RNASEL: variants seen among roughly 807,000 people sequenced by gnomAD.
The protein encoded by RNASEL is 2-5A-dependent ribonuclease.
RNASEL carries 36 observed loss-of-function variants against 50.9 expected under a neutral mutation model. That is an observed-to-expected ratio of 0.71 (90% CI 0.54 to 0.93). RNASEL has a LOEUF of 0.93. Among genes scored for constraint, RNASEL ranks in the 40% least tolerant of loss-of-function variants. The pLI is 0.00. For missense variants in RNASEL, 860 were observed against 894.5 expected (o/e 0.96, Z 0.49); for synonymous variants, 335 against 335.6 (o/e 1.00, Z 0.02).
At chr1:182,584,616 C>T (rs1416310739) in intron 2 of RNASEL, among the ~76,000 whole-genome samples, 1 of 152,178 alleles carries the variant, frequency 6.6e-6, no homozygotes, top group Non-Finnish European at 1.5e-5. Context: ...ACTATTTCAT[C>T]ATTGCACTTA....
At chr1:182,584,243 T>C in intron 2 of RNASEL, 77 bp from the exon 3 acceptor site, 1 of 932,346 alleles carries the variant, frequency 1.1e-6, no homozygotes. Context: ...TATATAAATA[T>C]GTAACATGCT....
intron 6 of RNASEL, 59 bp from the exon 7 acceptor site, chr1:182,575,637 C>T: frequency 1.3e-6 from 2 of 1,593,626 alleles, no homozygotes; most frequent in Non-Finnish European, 1.7e-6. Flanking sequence ...CCCCGCTTCA[C>T]AGCATATGGC....
rs1661509033 is a variant in RNASEL at position 182,582,167 on chromosome 1, A to T, written c.1658T>A (p.Leu553His). 1 of 1,614,140 alleles carries T rather than the reference A, an allele frequency of 6.2e-7. No homozygotes were observed. Among genetic ancestry groups the T allele is most frequent in the Non-Finnish European group, 8.5e-7 (1 of 1,180,054 alleles). The change falls in exon 4 of 7, where the codon CTT (leucine) becomes CAT (histidine). Residue 553 changes from leucine to histidine, a missense_variant. By Grantham distance (99) the Leu-to-His change is moderately conservative. Coordinates refer to ENST00000367559, the MANE Select transcript of RNASEL (RefSeq NM_021133.4). ...KAQSNEEVVQ[L>H]SPDEETKDLI... Reference sequence around the variant, plus strand: ...GTCCTTAGTTTCCTCATCTGGAGAAAGTTGAACCACCTCTTCATTACTTTG... The same window carrying T: ...GTCCTTAGTTTCCTCATCTGGAGAATGTTGAACCACCTCTTCATTACTTTG...
chr1:182,575,254 G>A lies in RNASEL; in HGVS notation c.*138C>T, dbSNP rs992184243. On this transcript the variant is annotated 3_prime_UTR_variant, in exon 7 of 7. Coordinates refer to ENST00000367559, the MANE Select transcript of RNASEL (RefSeq NM_021133.4). The stretch of plus-strand genomic sequence containing the variant: ...TTTGTTATAGACATATGGAATACAC[G>A]ATGCCAGGGACTGACATATCAGCTA... 7.4e-6 allele frequency: 6 copies of A among 815,900 alleles called. No homozygotes were observed. Among genetic ancestry groups the A allele is most frequent in the African/African-American group, 6.7e-5 (4 of 59,796 alleles). 50.5% of individuals were successfully genotyped at this position (815,900 alleles called of 1,614,324 possible). A position where few individuals can be genotyped will look rare whatever the true frequency, so the allele number is the denominator to read the frequency against.
At chr1:182,581,005 A>G (rs2102366167) in intron 5 of RNASEL, among the ~76,000 whole-genome samples, 1 of 152,294 alleles carries the variant, frequency 6.6e-6, no homozygotes, top group East Asian at 1.9e-4. Context: ...TCAGAGGGGC[A>G]TGGGTCTGAA....
At chr1:182,582,400 G>C in intron 3 of RNASEL, 142 bp from the exon 4 acceptor site, 1 of 928,082 alleles carries the variant, frequency 1.1e-6, no homozygotes, top group Non-Finnish European at 1.7e-6. Context: ...GGAAGGCACA[G>C]ATGTGTGCAT....
intron 1 of RNASEL, among the ~76,000 whole-genome samples, chr1:182,587,465 C>T (rs618685): frequency 0.99 from 151,380 of 152,164 alleles, 75,310 homozygotes; most frequent in Middle Eastern, 1. Flanking sequence ...TATTTTCTTT[C>T]GATAGATCTT....
rs139629148 is a variant in RNASEL at position 182,580,192 on chromosome 1, T to A, written c.1905+1033A>T. Among the ~76,000 whole-genome samples the A allele has an allele frequency of 1.2e-4, 19 of 152,328 alleles. No homozygotes were observed. In the East Asian group the frequency reaches 3.7e-3, roughly 29 times the overall value. On this transcript the variant is annotated intron_variant, in intron 5 of 6. Coordinates refer to ENST00000367559, the MANE Select transcript of RNASEL (RefSeq NM_021133.4). ...AGTTAAAATTTTAGCCAAAGTTTGA[T>A]AGACATTCATTTAGTAAAGAGTCAT...
chr1:182,579,329 A>G, intron 5 of RNASEL: 4 of 987,100 alleles, frequency 4.1e-6, no homozygotes, highest in Non-Finnish European at 4.8e-6. Flanking sequence ...TCACCCTCAT[A>G]GATACAGAGC....
chr1:182,582,113 TC>T lies in RNASEL; in HGVS notation c.1711del (p.Glu571AsnfsTer3). 1 of 1,614,186 alleles carries T rather than the reference TC, an allele frequency of 6.2e-7. No homozygotes were observed. The highest frequency in any genetic ancestry group is 1.1e-5 in the South Asian group (1 of 91,084). On this transcript the variant is annotated frameshift_variant, in exon 4 of 7. Transcript: ENST00000367559. LOFTEE classifies it high-confidence loss of function. The part of the protein sequence containing the change: ...DLIHRLFHPG[E>X]HVRDCLSDLL... The stretch of plus-strand genomic sequence containing the variant: ...GTCACTCAGACAGTCCCTCACATGT[TC>T]CCCAGGATGGAAGAGACGATGAATG...
rs1661591762 is a variant in RNASEL, at chr1:182,586,157, T to C, written c.650A>G (p.Asp217Gly). The C allele has an allele frequency of 6.2e-7, 1 of 1,614,136 alleles. No individual in the cohort carries two copies. Among genetic ancestry groups the C allele is most frequent in the Non-Finnish European group, 8.5e-7 (1 of 1,180,018 alleles). ...IHALLSSDDS[D>G]VEAITHLLLD... ...CAGCAGATGCGTAATAGCCTCCACA[T>C]CACTATCGTCAGAGCTCAGGAGAGC... The change falls in exon 2 of 7, where the codon GAT becomes GGT. Residue 217 changes from aspartate (D) to glycine (G), a missense_variant. Physicochemically the swap from Asp to Gly is moderately conservative, Grantham distance 94. Transcript: ENST00000367559.
chr1:182,575,772 G>A (rs1251091319), intron 6 of RNASEL, among the ~76,000 whole-genome samples, 194 bp from the exon 7 acceptor site: 1 of 152,160 alleles, frequency 6.6e-6, no homozygotes, highest in African/African-American at 2.4e-5. Context: ...CAATCTTTCT[G>A]AACTTTAGAT....
intron 1 of RNASEL, among the ~76,000 whole-genome samples, chr1:182,588,457 A>G (rs182218866): frequency 2.0e-5 from 3 of 152,340 alleles, no homozygotes; most frequent in Admixed American, 1.3e-4. Flanking sequence ...CTCCCTACAC[A>G]TGTGCATATA....
At chr1:182,580,159 T>C (rs1408893149) in intron 5 of RNASEL, among the ~76,000 whole-genome samples, 3 of 152,238 alleles carry the variant, frequency 2.0e-5, no homozygotes, top group Admixed American at 1.3e-4. Context: ...AATTTCTTTG[T>C]TTCTACAAGT....
At chr1:182,588,193 G>A (rs1044810578) in intron 1 of RNASEL, among the ~76,000 whole-genome samples, 1 of 152,220 alleles carries the variant, frequency 6.6e-6, no homozygotes, top group Non-Finnish European at 1.5e-5. Flanking sequence ...CTGCAGTAGT[G>A]AAAAGAGCTT....
intron 5 of RNASEL, chr1:182,579,803 T>C (rs1366106541): frequency 2.0e-6 from 2 of 986,014 alleles, no homozygotes; most frequent in Admixed American, 4.8e-5. Context: ...CTGTCCAGCA[T>C]GAGTAATTTG....
In RNASEL at chr1:182,584,146, G is replaced by A. The variant is rs1661548980; in HGVS notation, c.1501C>T (p.Leu501=). Reference sequence around the variant, plus strand: ...TTGATGCTCTTATCAAAATCTGCCAGGTGAGCAGCTTTCTTAGAATCTAAG... The same window carrying A: ...TTGATGCTCTTATCAAAATCTGCCAAGTGAGCAGCTTTCTTAGAATCTAAG... ...ILIDSKKAAH[L]ADFDKSIKWA... The change falls in exon 3 of 7, where the codon CTG becomes TTG. Residue 501 remains leucine, a synonymous_variant. Transcript: ENST00000367559. 1.2e-6 allele frequency: 2 copies of A among 1,613,788 alleles called. No individual in the cohort carries two copies. Among genetic ancestry groups the A allele is most frequent in the Non-Finnish European group, 1.7e-6 (2 of 1,179,868 alleles).
rs1344486165 is a variant in RNASEL at position 182,574,976 on chromosome 1, G to T, written c.*416C>A. ...CACCACATAAATTTATAAAGTGCTA[G>T]GTATAAATTGAATAATCTTGGGCCA... On this transcript the variant is annotated 3_prime_UTR_variant, in exon 7 of 7. Transcript: ENST00000367559. 4 of 298,666 alleles carry T rather than the reference G, an allele frequency of 1.3e-5. No individual in the cohort carries two copies. Among genetic ancestry groups the T allele is most frequent in the Non-Finnish European group, 2.5e-5 (4 of 158,298 alleles). 18.5% of individuals were successfully genotyped at this position (298,666 alleles called of 1,614,324 possible). A position where few individuals can be genotyped will look rare whatever the true frequency, so the allele number is the denominator to read the frequency against.
At chr1:182,577,833 T>C (rs1420389763) in intron 5 of RNASEL, among the ~76,000 whole-genome samples, 1 of 152,148 alleles carries the variant, frequency 6.6e-6, no homozygotes, top group Non-Finnish European at 1.5e-5. Context: ...TAAAGCCACA[T>C]ATCTACAACC....
Sources: gnomAD v4.1 joint callset for allele counts (sites outside exome capture counted in the v4.1 genomes callset) on GRCh38, gnomAD v4.1.1 for gene constraint, MANE v1.5 for transcripts, NCBI Gene and HGNC (gene_info 2026-07-23, HGNC 2026-07-21) for gene names.